The following FTO variants were observed in gnomAD, a reference collection of about 807,000 sequenced individuals.
The protein encoded by FTO is alpha-ketoglutarate-dependent dioxygenase FTO.
FTO carries 47 observed loss-of-function variants against 63.9 expected under a neutral mutation model. The observed-to-expected ratio is 0.74, with a 90% CI of 0.58 to 0.94. The LOEUF is 0.94. Among genes scored for constraint, FTO ranks in the 40% least tolerant of loss-of-function variants. The probability of loss-of-function intolerance (pLI) is 0.00; values close to 1 mark genes in which losing one functional copy is unlikely to be tolerated. For missense variants in FTO, 562 were observed against 618.1 expected, an observed-to-expected ratio of 0.91 and a Z score of 0.96; for synonymous variants, 207 against 224.4, an observed-to-expected ratio of 0.92 and a Z score of 0.69.
At chr16:53,768,981 A>C (rs1413554490) in intron 1 of FTO, among the ~76,000 whole-genome samples, 1 of 152,206 alleles carries the variant, frequency 6.6e-6, no homozygotes, top group Non-Finnish European at 1.5e-5. Context: ...AGATTTACTT[A>C]TTAGCTGCCT....
rs373705985 is a variant in FTO at position 53,879,999 on chromosome 16, C to CTT, written c.1119+24_1119+25dup. 5.0e-4 allele frequency: 634 copies of CTT among 1,260,372 alleles called. No individual in the cohort carries two copies. Among genetic ancestry groups the CTT allele is most frequent in the African/African-American group, 1.7e-3 (112 of 66,996 alleles). 78.1% of individuals were successfully genotyped at this position (1,260,372 alleles called of 1,614,324 possible). A position where few individuals can be genotyped will look rare whatever the true frequency, so the allele number is the denominator to read the frequency against. On this transcript the variant is annotated intron_variant, in intron 6 of 8. Transcript: ENST00000471389. Reference sequence around the variant, plus strand: ...AAATTCATAATGAGGTAAGGACTTTCTTTTTTTTTTTTTGAGATGGAGTCT... The same window carrying CTT: ...AAATTCATAATGAGGTAAGGACTTTCTTTTTTTTTTTTTTTGAGATGGAGTCT...
intron 1 of FTO, among the ~76,000 whole-genome samples, chr16:53,704,951 T>C (rs1695615339): frequency 6.6e-6 from 1 of 152,136 alleles, no homozygotes; most frequent in South Asian, 2.1e-4. Context: ...CATTGAGTGT[T>C]TTCCTTTCTC....
chr16:54,003,368 A>T (rs1451455600), intron 8 of FTO, among the ~76,000 whole-genome samples: 1 of 152,232 alleles, frequency 6.6e-6, no homozygotes, highest in Non-Finnish European at 1.5e-5. Context: ...TTTAAAAAGT[A>T]ATTTAATTTG....
intron 8 of FTO, among the ~76,000 whole-genome samples, chr16:54,101,196 C>T (rs1453873020): frequency 2.6e-5 from 4 of 151,546 alleles, no homozygotes; most frequent in Admixed American, 6.6e-5. Flanking sequence ...ACATGTGTCA[C>T]GGAAGTTTGA....
chr16:53,832,708 T>C (rs1205392490), intron 3 of FTO, among the ~76,000 whole-genome samples: 1 of 152,216 alleles, frequency 6.6e-6, no homozygotes, highest in African/African-American at 2.4e-5. Flanking sequence ...CAGTAGCTCA[T>C]TCCCTTGTAT....
chr16:53,772,555 TCCATGA>T (rs2077363759), intron 1 of FTO, among the ~76,000 whole-genome samples: 1 of 152,138 alleles, frequency 6.6e-6, no homozygotes, highest in Admixed American at 6.6e-5. Context: ...AAATGTAAAC[TCCATGA>T]GGCAGTAACT....
At chr16:53,748,225 T>G (rs896136132) in intron 1 of FTO, among the ~76,000 whole-genome samples, 1 of 152,198 alleles carries the variant, frequency 6.6e-6, no homozygotes, top group Non-Finnish European at 1.5e-5. Flanking sequence ...TTGATAGGGA[T>G]TGAATTGAAT....
intron 1 of FTO, among the ~76,000 whole-genome samples, chr16:53,777,502 C>G (rs2077488890): frequency 6.6e-6 from 1 of 152,176 alleles, no homozygotes; most frequent in Non-Finnish European, 1.5e-5. Context: ...ATATTAAAAT[C>G]TGTTGATCTC....
intron 8 of FTO, among the ~76,000 whole-genome samples, chr16:54,060,076 T>C (rs1221768150): frequency 6.6e-6 from 1 of 152,226 alleles, no homozygotes; most frequent in Non-Finnish European, 1.5e-5. Flanking sequence ...TCCTTTTCAT[T>C]GTAACTCCAT....
At chr16:53,880,199 G>A (rs1399100649) in intron 6 of FTO, among the ~76,000 whole-genome samples, 4 of 152,036 alleles carry the variant, frequency 2.6e-5, no homozygotes, top group Non-Finnish European at 4.4e-5. Context: ...GTTTCACCAC[G>A]TTGGCCAGGC....
At chr16:53,986,413 C>G (rs2083669141) in intron 8 of FTO, among the ~76,000 whole-genome samples, 1 of 152,174 alleles carries the variant, frequency 6.6e-6, no homozygotes, top group Non-Finnish European at 1.5e-5. Flanking sequence ...AACCATGTGT[C>G]CCCGCCACTT....
intron 8 of FTO, among the ~76,000 whole-genome samples, chr16:54,109,554 A>C (rs1308487615): frequency 1.3e-5 from 2 of 151,818 alleles, no homozygotes; most frequent in African/African-American, 4.8e-5. Context: ...CTGGTTTCTG[A>C]CTCTTGGCCT....
rs568455357 is a variant in FTO, at chr16:53,753,208, G to A, written c.45+48979G>A. Among the ~76,000 whole-genome samples, 58 of 147,476 alleles carry A rather than the reference G, an allele frequency of 3.9e-4. 1 individual carries two copies. The South Asian group carries it at 9.2e-3, about 23-fold the overall frequency. The stretch of plus-strand genomic sequence containing the variant: ...GTTGAGGTTGCAGTGAGCCGTGATC[G>A]CATCACTGCATTCCAGCATGGGCAA... On this transcript the variant is annotated intron_variant, in intron 1 of 8. Transcript: ENST00000471389.
intron 8 of FTO, among the ~76,000 whole-genome samples, chr16:54,029,354 T>A (rs963704380): frequency 6.6e-5 from 10 of 152,218 alleles, no homozygotes; most frequent in Non-Finnish European, 1.2e-4. Flanking sequence ...GGCAGCAGTG[T>A]GCTGTGTGTT....
chr16:53,774,830 G>C (rs1214721852), intron 1 of FTO, among the ~76,000 whole-genome samples: 1 of 152,134 alleles, frequency 6.6e-6, no homozygotes, highest in African/African-American at 2.4e-5. Flanking sequence ...TGATTTGTAA[G>C]AACACACAAC....
chr16:54,041,587 G>C (rs775529178), intron 8 of FTO, among the ~76,000 whole-genome samples: 1 of 152,116 alleles, frequency 6.6e-6, no homozygotes. Context: ...CCACTGTTTA[G>C]ACCGGAAGAC....
intron 1 of FTO, among the ~76,000 whole-genome samples, chr16:53,705,042 C>T (rs1437605733): frequency 1.3e-5 from 2 of 151,386 alleles, no homozygotes; most frequent in African/African-American, 4.9e-5. Context: ...ATCTCCACTA[C>T]CTTGGACCAA....
chr16:53,920,859 C>T (rs531797181), intron 7 of FTO, among the ~76,000 whole-genome samples: 1 of 151,944 alleles, frequency 6.6e-6, no homozygotes, highest in South Asian at 2.1e-4. Flanking sequence ...TTCTCTAGGC[C>T]TGGGGGCAGT....
chr16:53,888,721 C>A, intron 6 of FTO, 111 bp from the exon 7 acceptor site: 2 of 1,179,524 alleles, frequency 1.7e-6, no homozygotes, highest in South Asian at 2.4e-5. Context: ...CTCACCTTTT[C>A]TCATCCTATG....
Sources: gnomAD v4.1 joint callset for allele counts (sites outside exome capture counted in the v4.1 genomes callset) on GRCh38, gnomAD v4.1.1 for gene constraint, MANE v1.5 for transcripts, NCBI Gene and HGNC (gene_info 2026-07-23, HGNC 2026-07-21) for gene names.